ANO3: variants seen among roughly 807,000 people sequenced by gnomAD.
ANO3 encodes anoctamin-3.
In ANO3, 99 loss-of-function variants were observed where a neutral mutation model predicts 144.8. The ratio of observed to expected loss-of-function variants is 0.68; its 90% CI spans 0.58 to 0.81. The LOEUF is 0.81. ANO3 is among the 30% of genes least tolerant of loss of function. The pLI, the probability that ANO3 is intolerant of heterozygous loss-of-function variation, is 0.00. For missense variants in ANO3, 905 were observed against 1,202.2 expected (o/e 0.75, Z 3.66); for synonymous variants, 414 against 392.6 (o/e 1.05, Z -0.64).
chr11:26,532,410 T>C (rs1365060994), intron 8 of ANO3, among the ~76,000 whole-genome samples: 1 of 152,228 alleles, frequency 6.6e-6, no homozygotes, highest in African/African-American at 2.4e-5. Flanking sequence ...TCTACTCTTT[T>C]TTTTTAAACC....
chr11:26,492,928 AGTT>A (rs1860767641), intron 4 of ANO3, among the ~76,000 whole-genome samples: 2 of 152,232 alleles, frequency 1.3e-5, no homozygotes, highest in African/African-American at 4.8e-5. Context: ...GCAAAAAATA[AGTT>A]ACTAATACTA....
chr11:26,530,482 T>TATC (rs1010064236), intron 7 of ANO3, among the ~76,000 whole-genome samples: 12 of 66,436 alleles, frequency 1.8e-4, no homozygotes, highest in Non-Finnish European at 3.6e-4. Flanking sequence ...TCTATCTATC[T>TATC]ATCTATCTAT....
chr11:26,396,387 G>A (rs557903415), intron 1 of ANO3, among the ~76,000 whole-genome samples: 11 of 152,086 alleles, frequency 7.2e-5, no homozygotes, highest in Non-Finnish European at 1.6e-4. Flanking sequence ...ACAGTGTGGC[G>A]ATCCCTCAAG....
At chr11:26,587,904 C>T (rs926348891) in intron 14 of ANO3, among the ~76,000 whole-genome samples, 20 of 137,956 alleles carry the variant, frequency 1.4e-4, no homozygotes, top group African/African-American at 5.5e-5. Flanking sequence ...TGCAGTGAGC[C>T]GAGATCATGG....
At chr11:26,347,152 C>T (rs1855516928) in intron 1 of ANO3, among the ~76,000 whole-genome samples, 1 of 152,186 alleles carries the variant, frequency 6.6e-6, no homozygotes, top group Non-Finnish European at 1.5e-5. Flanking sequence ...ATTTTGACTG[C>T]TTCAAACATT....
At chr11:26,530,395 C>A (rs1849331996) in intron 7 of ANO3, among the ~76,000 whole-genome samples, 1 of 136,284 alleles carries the variant, frequency 7.3e-6, no homozygotes, top group Non-Finnish European at 1.6e-5. Context: ...TTCCACTTTT[C>A]TAGAGCCACA....
rs371071300 is a variant in ANO3, at chr11:26,281,840, C to T, written c.155-27805C>T. ...ATGGCAAGTTAAGTTTGAAGACATT[C>T]AGGCAAATGTCTTCAAGAAGCTCCT... On this transcript the variant is annotated intron_variant, in intron 1 of 27. Transcript: ENST00000672621. Among the ~76,000 whole-genome samples, 3 of 152,102 alleles carry T rather than the reference C, an allele frequency of 2.0e-5. No individual in the cohort carries two copies. The East Asian group carries it at 5.8e-4, about 29-fold the overall frequency.
At chr11:26,475,706 A>G (rs1294389978) in intron 4 of ANO3, among the ~76,000 whole-genome samples, 1 of 152,092 alleles carries the variant, frequency 6.6e-6, no homozygotes, top group Non-Finnish European at 1.5e-5. Flanking sequence ...TATGTCTATC[A>G]TAAAAGTAAA....
At chr11:26,402,851 A>G (rs193095458) in intron 1 of ANO3, among the ~76,000 whole-genome samples, 4 of 152,094 alleles carry the variant, frequency 2.6e-5, no homozygotes, top group Admixed American at 2.6e-4. Context: ...GTAAAGCTGA[A>G]TTTAAAATAA....
chr11:26,595,522 A>G (rs1373633446), intron 14 of ANO3, among the ~76,000 whole-genome samples: 1 of 138,540 alleles, frequency 7.2e-6, no homozygotes, highest in Non-Finnish European at 1.5e-5. Flanking sequence ...GCTGAGTGCA[A>G]ACAGCTCACA....
intron 1 of ANO3, among the ~76,000 whole-genome samples, chr11:26,274,897 T>C (rs117527206): frequency 1.1e-3 from 163 of 152,114 alleles, no homozygotes; most frequent in Non-Finnish European, 1.1e-3. Flanking sequence ...ATGAGCATGG[T>C]TAGGAAGGAG....
chr11:26,281,624 T>C (rs1370850197), intron 1 of ANO3, among the ~76,000 whole-genome samples: 1 of 152,224 alleles, frequency 6.6e-6, no homozygotes, highest in Admixed American at 6.5e-5. Flanking sequence ...AACATTTTTA[T>C]TCTTATTTGT....
intron 5 of ANO3, among the ~76,000 whole-genome samples, chr11:26,513,532 C>G (rs1861748537): frequency 6.6e-6 from 1 of 152,122 alleles, no homozygotes; most frequent in Non-Finnish European, 1.5e-5. Context: ...TTAAATCTTT[C>G]CAGATCTCTT....
chr11:26,272,489 A>T (rs1402143611), intron 1 of ANO3, among the ~76,000 whole-genome samples: 1 of 152,204 alleles, frequency 6.6e-6, no homozygotes, highest in Non-Finnish European at 1.5e-5. Context: ...TAAGAAAGAC[A>T]TACCTATAGA....
chr11:26,225,139 T>C (rs984748969), intron 1 of ANO3, among the ~76,000 whole-genome samples: 4 of 152,092 alleles, frequency 2.6e-5, no homozygotes, highest in South Asian at 2.1e-4. Context: ...TAAAATAATA[T>C]GTATTTAGTT....
At chr11:26,401,421 T>C (rs139823055) in intron 1 of ANO3, among the ~76,000 whole-genome samples, 51 of 152,144 alleles carry the variant, frequency 3.4e-4, no homozygotes, top group African/African-American at 1.2e-3. Context: ...TTCCTGGTAG[T>C]TTAAAATCGG....
rs186340294 is a variant in ANO3 at position 26,631,599 on chromosome 11, G to A, written c.1874-2605G>A. Among the ~76,000 whole-genome samples the A allele has an allele frequency of 4.4e-4, 67 of 152,132 alleles. 1 individual carries two copies. Among genetic ancestry groups the A allele is most frequent in the African/African-American group, 1.5e-3 (64 of 41,526 alleles). ...AACTTCAAAAAATAAAATCCAGCTAGATGATAATGAAAAGAAACACAACTG... is the reference window on the plus strand; with the variant it reads ...AACTTCAAAAAATAAAATCCAGCTAAATGATAATGAAAAGAAACACAACTG... On this transcript the variant is annotated intron_variant, in intron 18 of 26. Transcript: ENST00000256737.
At chr11:26,222,555 C>T (rs1852168466) in intron 1 of ANO3, among the ~76,000 whole-genome samples, 1 of 152,214 alleles carries the variant, frequency 6.6e-6, no homozygotes, top group Non-Finnish European at 1.5e-5. Flanking sequence ...CTCCTCACTG[C>T]CTTAGTAGAG....
At chr11:26,295,224 T>C (rs1215029799) in intron 1 of ANO3, among the ~76,000 whole-genome samples, 1 of 152,048 alleles carries the variant, frequency 6.6e-6, no homozygotes, top group Non-Finnish European at 1.5e-5. Context: ...AGTTGAGTCA[T>C]TTTCTAACAC....
Sources: allele counts gnomAD v4.1 joint callset (sites outside exome capture counted in the v4.1 genomes callset), GRCh38; gene constraint gnomAD v4.1.1; transcripts MANE v1.5; gene names NCBI Gene and HGNC (gene_info 2026-07-23, HGNC 2026-07-21).